Variants in R3HCC1L observed in about 807,000 individuals in gnomAD.
The protein encoded by R3HCC1L is coiled-coil domain-containing protein R3HCC1L.
A neutral mutation model predicts 59.9 loss-of-function variants in R3HCC1L; 51 were observed. The observed-to-expected ratio is 0.85, with a 90% CI of 0.68 to 1.07. R3HCC1L has a LOEUF of 1.07. Ranked by LOEUF, R3HCC1L falls within the 50% of genes least tolerant of loss-of-function variation. The pLI is 0.00. For synonymous variants in R3HCC1L, 322 were observed against 315.2 expected (o/e 1.02, Z -0.23); for missense variants, 965 against 933.0 (o/e 1.03, Z -0.45).
rs186198437 is a variant in R3HCC1L at position 98,198,406 on chromosome 10, G to A, written c.-14-9695G>A. ...ACTAGGACATCTCTTAGTTTTGCCAGTTTGCAAGTAGACCAATGAGAAGAA... is the reference window on the plus strand; with the variant it reads ...ACTAGGACATCTCTTAGTTTTGCCAATTTGCAAGTAGACCAATGAGAAGAA... On this transcript the variant is annotated intron_variant, in intron 4 of 9. Transcript: ENST00000298999. Among the ~76,000 whole-genome samples, 29 of 152,124 alleles carry A rather than the reference G, an allele frequency of 1.9e-4. No homozygotes were observed. The East Asian group carries it at 5.6e-3, about 29-fold the overall frequency.
chr10:98,141,091 G>C (rs1046035209), intron 1 of R3HCC1L, among the ~76,000 whole-genome samples: 11 of 151,802 alleles, frequency 7.2e-5, no homozygotes, highest in Non-Finnish European at 1.5e-4. Flanking sequence ...CCCAAAAGCT[G>C]TTTATAAGTC....
intron 9 of R3HCC1L, among the ~76,000 whole-genome samples, chr10:98,236,487 G>A (rs1442211008): frequency 6.6e-6 from 1 of 152,116 alleles, no homozygotes; most frequent in Non-Finnish European, 1.5e-5. Context: ...AGTGTCCTAG[G>A]GAGAAAACAT....
intron 4 of R3HCC1L, among the ~76,000 whole-genome samples, chr10:98,170,034 T>G (rs576651708): frequency 6.6e-6 from 1 of 152,198 alleles, no homozygotes; most frequent in African/African-American, 2.4e-5. Flanking sequence ...CCCTGATCAT[T>G]TATCCTTAAT....
chr10:98,180,777 G>A (rs1849547435), intron 4 of R3HCC1L, among the ~76,000 whole-genome samples: 1 of 152,144 alleles, frequency 6.6e-6, no homozygotes, highest in Non-Finnish European at 1.5e-5. Flanking sequence ...AGCTCTTCTT[G>A]TTGAATTGAT....
chr10:98,211,281 A>G (rs1210704253), intron 5 of R3HCC1L: 1 of 1,392,756 alleles, frequency 7.2e-7, no homozygotes, highest in African/African-American at 1.4e-5. Context: ...TTAGCCCAGC[A>G]AACTGTCTAT....
chr10:98,142,688 A>G (rs1845268756), intron 1 of R3HCC1L, among the ~76,000 whole-genome samples: 1 of 151,962 alleles, frequency 6.6e-6, no homozygotes, highest in African/African-American at 2.4e-5. Context: ...TAATCTCAAC[A>G]CTTTGGGAGG....
At position 98,209,243 on chromosome 10, in the gene R3HCC1L, A is replaced by G. The variant is rs1853211962; in HGVS notation, c.1129A>G (p.Met377Val). Residue 377 changes from methionine to valine, a missense_variant, in exon 5 of 10, where the codon ATG becomes GTG. Coordinates refer to ENST00000298999, the MANE Select transcript of R3HCC1L (RefSeq NM_001351015.2). The stretch of plus-strand genomic sequence containing the variant: ...AGGTGACATTACCAATAAAGCATGT[A>G]TGATGGACACTACAGGTATGTCCTG... The part of the protein sequence containing the change: ...NVGDITNKAC[M>V]MDTTGMSCSD... 2 of 1,613,868 alleles carry G rather than the reference A, an allele frequency of 1.2e-6. No homozygotes were observed. The highest frequency in any genetic ancestry group is 1.7e-5 in the Admixed American group (1 of 60,000).
chr10:98,163,282 C>T lies in R3HCC1L; in HGVS notation c.-119-11C>T. On this transcript the variant is annotated splice_polypyrimidine_tract_variant and intron_variant, in intron 3 of 9. Transcript: ENST00000298999. Reference sequence around the variant, plus strand: ...TTTTTATAAAAATAACTTATTATTACTATTTTTCAGGTGAGGCTGCTGTCA... The same window carrying T: ...TTTTTATAAAAATAACTTATTATTATTATTTTTCAGGTGAGGCTGCTGTCA... 1.9e-6 allele frequency: 1 copy of T among 535,252 alleles called. No homozygotes were observed. Among genetic ancestry groups the T allele is most frequent in the Non-Finnish European group, 3.1e-6 (1 of 327,148 alleles). 33.2% of individuals were successfully genotyped at this position (535,252 alleles called of 1,614,324 possible). A position where few individuals can be genotyped will look rare whatever the true frequency, so the allele number is the denominator to read the frequency against.
At chr10:98,158,926 C>T (rs1847142731) in intron 2 of R3HCC1L, among the ~76,000 whole-genome samples, 1 of 151,838 alleles carries the variant, frequency 6.6e-6, no homozygotes, top group South Asian at 2.1e-4. Context: ...CCTGCCTGAG[C>T]CTCCTGAGTA....
intron 1 of R3HCC1L, among the ~76,000 whole-genome samples, chr10:98,148,153 AT>A (rs1240178840): frequency 1.3e-5 from 2 of 151,944 alleles, no homozygotes; most frequent in Non-Finnish European, 2.9e-5. Context: ...CTTTGTAGCT[AT>A]TGCAAATGGG....
intron 4 of R3HCC1L, among the ~76,000 whole-genome samples, chr10:98,171,693 G>A (rs1237195314): frequency 6.6e-6 from 1 of 152,170 alleles, no homozygotes; most frequent in Non-Finnish European, 1.5e-5. Context: ...CTTAGCAAAA[G>A]AGAGCATGTA....
chr10:98,205,472 A>G (rs1439435099), intron 4 of R3HCC1L, among the ~76,000 whole-genome samples: 1 of 152,076 alleles, frequency 6.6e-6, no homozygotes, highest in Admixed American at 6.6e-5. Flanking sequence ...TATTGTAACT[A>G]AAAAAAAGTA....
chr10:98,240,797 A>AC (rs1554857397), intron 9 of R3HCC1L, among the ~76,000 whole-genome samples: 2 of 133,318 alleles, frequency 1.5e-5, no homozygotes, highest in Non-Finnish European at 3.2e-5. Flanking sequence ...TTCTAACCAC[A>AC]TTTTTTTTTT....
Position 98,231,511 on chromosome 10 carries a change from G to A in R3HCC1L, c.1786-1G>A. 6.2e-7 allele frequency: 1 copy of A among 1,609,666 alleles called. No homozygotes were observed. The highest frequency in any genetic ancestry group is 1.7e-4 in the Middle Eastern group (1 of 6,040). ...CACTTAACGTGCTTCTTCCTTTCTA[G>A]TTATCAGGGAATACCAAGAGCAGAG... On this transcript the variant is annotated splice_acceptor_variant, in intron 5 of 9. Coordinates refer to ENST00000298999, the MANE Select transcript of R3HCC1L (RefSeq NM_001351015.2). LOFTEE classifies it high-confidence loss of function.
intron 1 of R3HCC1L, among the ~76,000 whole-genome samples, chr10:98,143,531 G>A (rs543361370): frequency 6.6e-6 from 1 of 152,204 alleles, no homozygotes; most frequent in East Asian, 1.9e-4. Context: ...TTTGTACCAT[G>A]TTTCTTGTTT....
chr10:98,178,182 G>GT (rs1849236895), intron 4 of R3HCC1L, among the ~76,000 whole-genome samples: 1 of 152,078 alleles, frequency 6.6e-6, no homozygotes, highest in African/African-American at 2.4e-5. Context: ...TTTTTCTAGG[G>GT]TTTTTATGGT....
chr10:98,172,504 T>C (rs1318052455), intron 4 of R3HCC1L, among the ~76,000 whole-genome samples: 3 of 152,236 alleles, frequency 2.0e-5, no homozygotes, highest in African/African-American at 7.2e-5. Flanking sequence ...CGCTGAAATA[T>C]GGCTTGGATC....
At position 98,236,056 on chromosome 10, in the gene R3HCC1L, A is replaced by G. The variant is rs1397213810; in HGVS notation, c.2161A>G (p.Thr721Ala). Reference sequence around the variant, plus strand: ...CCAGCCAGCAAAGGAGCGTCCTGAGACTTCAGCAGCCCTAGCCAGAAGGTT... The same window carrying G: ...CCAGCCAGCAAAGGAGCGTCCTGAGGCTTCAGCAGCCCTAGCCAGAAGGTT... ...FLQPAKERPETSAALARRLVI... is the reference protein window; with the variant it reads ...FLQPAKERPEASAALARRLVI... The change falls in exon 9 of 10, where the codon ACT becomes GCT. Residue 721 changes from threonine to alanine, a missense_variant. Coordinates refer to ENST00000298999, the MANE Select transcript of R3HCC1L (RefSeq NM_001351015.2). 6.2e-7 allele frequency: 1 copy of G among 1,613,936 alleles called. No homozygotes were observed. The highest frequency in any genetic ancestry group is 1.3e-5 in the African/African-American group (1 of 75,016).
At chr10:98,193,534 A>G (rs114594879) in intron 4 of R3HCC1L, among the ~76,000 whole-genome samples, 184 of 152,316 alleles carry the variant, frequency 1.2e-3, no homozygotes, top group African/African-American at 4.1e-3. Context: ...AATAAAATGC[A>G]TAAGAGTAAA....
Sources: gnomAD v4.1 joint callset for allele counts (sites outside exome capture counted in the v4.1 genomes callset) on GRCh38, gnomAD v4.1.1 for gene constraint, MANE v1.5 for transcripts, NCBI Gene and HGNC (gene_info 2026-07-23, HGNC 2026-07-21) for gene names.